PCDHA2: variants seen among roughly 807,000 people sequenced by gnomAD.
The protein encoded by PCDHA2 is protocadherin alpha-2.
PCDHA2 carries 58 observed loss-of-function variants against 66.0 expected under a neutral mutation model. That is an observed-to-expected ratio of 0.88 (90% CI 0.71 to 1.09). The LOEUF is 1.09. Ranked by LOEUF, PCDHA2 falls within the 50% of genes least tolerant of loss-of-function variation. The pLI is 0.00. For synonymous variants in PCDHA2, 634 were observed against 554.0 expected, an observed-to-expected ratio of 1.14 and a Z score of -2.03; for missense variants, 1,267 against 1,242.3, an observed-to-expected ratio of 1.02 and a Z score of -0.30.
intron 1 of PCDHA2, chr5:140,869,297 G>A (rs781788461): frequency 1.2e-6 from 2 of 1,613,576 alleles, no homozygotes; most frequent in East Asian, 2.2e-5. Flanking sequence ...CGCCTGTTCC[G>A]GGTGGCGTCC....
intron 3 of PCDHA2, among the ~76,000 whole-genome samples, chr5:140,983,718 T>C (rs2097062684): frequency 6.6e-6 from 1 of 152,248 alleles, no homozygotes; most frequent in South Asian, 2.1e-4. Context: ...CTAGCACTTA[T>C]ATTCATAACA....
chr5:140,899,101 G>T (rs1554188394), intron 1 of PCDHA2, among the ~76,000 whole-genome samples: 5 of 152,096 alleles, frequency 3.3e-5, no homozygotes, highest in Non-Finnish European at 7.4e-5. Context: ...CTGAGATAAT[G>T]GGGTTTTCTA....
intron 1 of PCDHA2, chr5:140,829,600 G>C (rs782636374): frequency 6.2e-7 from 1 of 1,612,044 alleles, no homozygotes; most frequent in Non-Finnish European, 8.5e-7. Flanking sequence ...GCGAGCGCGC[G>C]TTGTCGAGCT....
intron 1 of PCDHA2, among the ~76,000 whole-genome samples, chr5:140,921,661 A>C (rs1554200347): frequency 1.3e-5 from 2 of 152,226 alleles, no homozygotes; most frequent in African/African-American, 4.8e-5. Context: ...CTTAATAAAA[A>C]TTTAACAGTT....
chr5:140,968,714 G>A, intron 1 of PCDHA2: 1 of 1,614,150 alleles, frequency 6.2e-7, no homozygotes, highest in South Asian at 1.1e-5. Flanking sequence ...GAAGATGGGA[G>A]ATGAGAGTGG....
chr5:140,974,945 A>G (rs2096646889), intron 1 of PCDHA2, among the ~76,000 whole-genome samples: 1 of 152,180 alleles, frequency 6.6e-6, no homozygotes, highest in African/African-American at 2.4e-5. Flanking sequence ...CCTATTTGTT[A>G]TCTCACAGTC....
At chr5:140,908,704 C>T (rs1241248582) in intron 1 of PCDHA2, among the ~76,000 whole-genome samples, 12 of 152,178 alleles carry the variant, frequency 7.9e-5, no homozygotes, top group African/African-American at 2.9e-4. Context: ...CCTCAAGCAC[C>T]ATTGGATCTG....
intron 3 of PCDHA2, among the ~76,000 whole-genome samples, chr5:141,007,690 C>T (rs2098341020): frequency 6.6e-6 from 1 of 152,224 alleles, no homozygotes; most frequent in Non-Finnish European, 1.5e-5. Flanking sequence ...CCTACTTCCA[C>T]CTCCCTCCTC....
At chr5:140,884,519 T>G in intron 1 of PCDHA2, 1 of 1,614,042 alleles carries the variant, frequency 6.2e-7, no homozygotes, top group Non-Finnish European at 8.5e-7. Context: ...TTGGTCGTAC[T>G]CGCAGCAGAG....
At chr5:140,928,122 A>C in intron 1 of PCDHA2, 1 of 1,614,196 alleles carries the variant, frequency 6.2e-7, no homozygotes, top group Non-Finnish European at 8.5e-7. Context: ...AGATCAGTGA[A>C]TACCAAGTCC....
intron 1 of PCDHA2, among the ~76,000 whole-genome samples, chr5:140,902,720 C>A (rs371638113): frequency 6.6e-6 from 1 of 152,050 alleles, no homozygotes; most frequent in African/African-American, 2.4e-5. Flanking sequence ...CCCCTCCCAC[C>A]CTTCCCTCCA....
rs373175286 is a variant in PCDHA2 at position 140,797,177 on chromosome 5, C to T, written c.2213C>T (p.Thr738Met). ...GGTGCGCGCGCGCCAGGAAAGCCCA[C>T]GCTGGTGTGCTCCAGCGCCGTGGGG... is the stretch of plus-strand genomic sequence containing the variant. Reference protein sequence around the residue: ...TEGARAPGKPTLVCSSAVGSW... With the variant: ...TEGARAPGKPMLVCSSAVGSW... The change falls in exon 1 of 4, where the codon ACG (threonine) becomes ATG (methionine). Residue 738 changes from threonine (T) to methionine (M), a missense_variant. Transcript: ENST00000526136. The T allele has an allele frequency of 5.3e-5, 86 of 1,614,142 alleles. No individual in the cohort carries two copies. Among genetic ancestry groups the T allele is most frequent in the Non-Finnish European group, 6.2e-5 (73 of 1,180,046 alleles).
chr5:140,876,729 G>C lies in PCDHA2; in HGVS notation c.2388+79377G>C, dbSNP rs781841207. The C allele has an allele frequency of 3.1e-6, 5 of 1,614,102 alleles. No homozygotes were observed. The East Asian group carries it at 6.7e-5, about 22-fold the overall frequency. On this transcript the variant is annotated intron_variant, in intron 1 of 3. Transcript: ENST00000526136. ...GCGCCCTGGACCGCGAGAGCGTGTC[G>C]GCCTATGAGCTGGTGGTGACTGCGC...
At position 140,849,456 on chromosome 5, in the gene PCDHA2, G is replaced by A. The variant is rs148680565; in HGVS notation, c.2388+52104G>A. On this transcript the variant is annotated intron_variant, in intron 1 of 3. Transcript: ENST00000526136. ...AAGTAGAGCACACAAGATCCCAGTC[G>A]AGGCTGTCGATAAAGGCTTCCCACC... The A allele has an allele frequency of 1.5e-5, 24 of 1,587,206 alleles. 3 individuals carry two copies. Among genetic ancestry groups the A allele is most frequent in the Non-Finnish European group, 1.8e-5 (21 of 1,161,294 alleles).
chr5:140,843,633 C>T (rs1554140304), intron 1 of PCDHA2: 1 of 1,595,708 alleles, frequency 6.3e-7, no homozygotes, highest in Admixed American at 1.7e-5. Context: ...GACCTCATGG[C>T]CTTCAGCCCC....
At chr5:140,850,364 C>T in intron 1 of PCDHA2, 1 of 1,597,830 alleles carries the variant, frequency 6.3e-7, no homozygotes, top group Non-Finnish European at 8.6e-7. Flanking sequence ...TCCCGTTCCG[C>T]GTGGGGCTGT....
chr5:140,981,498 T>C (rs1299157295), intron 2 of PCDHA2, among the ~76,000 whole-genome samples: 1 of 152,146 alleles, frequency 6.6e-6, no homozygotes, highest in African/African-American at 2.4e-5. Context: ...TGCTTGAACC[T>C]GGGAGGCAGA....
At chr5:140,978,924 GA>G (rs781894146) in intron 1 of PCDHA2, 24 bp from the exon 2 acceptor site, 202 of 1,613,894 alleles carry the variant, frequency 1.3e-4, no homozygotes, top group Middle Eastern at 6.6e-4. Context: ...CATTTTAACA[GA>G]AAACTCTCTT....
At chr5:140,987,749 GT>G (rs1554249497) in intron 3 of PCDHA2, among the ~76,000 whole-genome samples, 1 of 152,142 alleles carries the variant, frequency 6.6e-6, no homozygotes, top group African/African-American at 2.4e-5. Context: ...GACCCAGGTT[GT>G]TCTGAGTATT....
Sources: allele counts gnomAD v4.1 joint callset (sites outside exome capture counted in the v4.1 genomes callset), GRCh38; gene constraint gnomAD v4.1.1; transcripts MANE v1.5; gene names NCBI Gene and HGNC (gene_info 2026-07-23, HGNC 2026-07-21).